NRIP1: variants seen among roughly 807,000 people sequenced by gnomAD.
NRIP1 encodes the protein nuclear receptor interacting protein 1.
Under a neutral mutation model 75.0 loss-of-function variants are expected in NRIP1, and 28 were observed. That is an observed-to-expected ratio of 0.37 (90% confidence interval 0.28 to 0.51). The LOEUF (loss-of-function observed/expected upper bound fraction) is 0.51. Ranked by LOEUF, NRIP1 falls within the 20% of genes least tolerant of loss-of-function variation. NRIP1 has a pLI of 0.92. For missense variants in NRIP1, 1,435 were observed against 1,343.7 expected (o/e 1.07, Z -1.06); for synonymous variants, 526 against 487.6 (o/e 1.08, Z -1.04).
intron 1 of NRIP1, among the ~76,000 whole-genome samples, chr21:15,058,500 A>T (rs1331298380): frequency 1.3e-5 from 2 of 150,942 alleles, no homozygotes; most frequent in Admixed American, 6.6e-5. Context: ...TCAGGAATTT[A>T]AAAAAAATCT....
chr21:15,049,304 T>G (rs1246875258), intron 1 of NRIP1, among the ~76,000 whole-genome samples: 1 of 152,118 alleles, frequency 6.6e-6, no homozygotes, highest in Admixed American at 6.5e-5. Flanking sequence ...AGAAGCATAG[T>G]TTACATGTCT....
intron 3 of NRIP1, among the ~76,000 whole-genome samples, chr21:14,997,770 T>C (rs1042677255): frequency 6.6e-6 from 1 of 150,628 alleles, no homozygotes; most frequent in Admixed American, 6.6e-5. Flanking sequence ...AATTTGTATA[T>C]ACTCCAGGTA....
At chr21:15,040,119 G>A (rs1275449893) in intron 2 of NRIP1, among the ~76,000 whole-genome samples, 1 of 152,056 alleles carries the variant, frequency 6.6e-6, no homozygotes, top group African/African-American at 2.4e-5. Context: ...TGTGGCTACT[G>A]TGCACTTGAA....
At chr21:15,011,464 C>A (rs559529222) in intron 3 of NRIP1, among the ~76,000 whole-genome samples, 23 of 152,298 alleles carry the variant, frequency 1.5e-4, no homozygotes, top group African/African-American at 5.1e-4. Flanking sequence ...GCTGGGATTG[C>A]AAGCGTGAGC....
chr21:14,989,043 C>T (rs1378276824), intron 3 of NRIP1, among the ~76,000 whole-genome samples: 5 of 152,214 alleles, frequency 3.3e-5, no homozygotes, highest in East Asian at 3.9e-4. Context: ...CTGAAGAGTT[C>T]GCTGCATGCC....
chr21:15,041,612 A>T (rs1159501087), intron 2 of NRIP1, among the ~76,000 whole-genome samples: 4 of 152,120 alleles, frequency 2.6e-5, no homozygotes, highest in African/African-American at 9.7e-5. Flanking sequence ...CTAAACTTTC[A>T]ATTTCTTTGC....
chr21:15,043,193 T>G (rs933594992), intron 2 of NRIP1, among the ~76,000 whole-genome samples: 1 of 152,242 alleles, frequency 6.6e-6, no homozygotes, highest in Admixed American at 6.5e-5. Context: ...TTTATGTATC[T>G]CATTTTCAAA....
At chr21:15,033,522 T>G (rs191298570) in intron 2 of NRIP1, among the ~76,000 whole-genome samples, 1 of 152,314 alleles carries the variant, frequency 6.6e-6, no homozygotes, top group African/African-American at 2.4e-5. Flanking sequence ...TGAAATGCAG[T>G]TTCTTAAAGA....
intron 3 of NRIP1, among the ~76,000 whole-genome samples, chr21:14,989,811 G>GC (rs2087518937): frequency 6.6e-6 from 1 of 152,008 alleles, no homozygotes; most frequent in Non-Finnish European, 1.5e-5. Flanking sequence ...GAGGAGGGGA[G>GC]CCTGAAATTT....
At chr21:15,001,115 G>T (rs1273303577) in intron 3 of NRIP1, among the ~76,000 whole-genome samples, 3 of 152,102 alleles carry the variant, frequency 2.0e-5, no homozygotes, top group Non-Finnish European at 4.4e-5. Flanking sequence ...CATTTAAATG[G>T]AAGTGAAATG....
rs139829183 is a variant in NRIP1 at position 15,039,777 on chromosome 21, G to A, written c.-458+3718C>T. 7.8e-3 allele frequency among the ~76,000 whole-genome samples: 1,187 copies of A among 152,060 alleles called. 9 individuals carry two copies. Among genetic ancestry groups the A allele is most frequent in the African/African-American group, 0.027 (1,110 of 41,500 alleles). ...AATTCTACCTAGTATAATAGAAGCT[G>A]GAATAAGATGGAAGATATGAATCTA... On this transcript the variant is annotated intron_variant, in intron 2 of 3. Coordinates refer to ENST00000318948, the MANE Select transcript of NRIP1 (RefSeq NM_003489.4).
intron 2 of NRIP1, among the ~76,000 whole-genome samples, chr21:15,031,383 G>A (rs2088686159): frequency 1.5e-5 from 2 of 134,688 alleles, no homozygotes; most frequent in South Asian, 2.6e-4. Context: ...ATACACTCTG[G>A]AAGGCGCTCG....
intron 1 of NRIP1, among the ~76,000 whole-genome samples, chr21:15,055,765 C>T (rs1173633388): frequency 1.3e-5 from 2 of 152,202 alleles, no homozygotes; most frequent in South Asian, 2.1e-4. Context: ...GTCTACCCAA[C>T]TGCTAGCTGA....
intron 2 of NRIP1, among the ~76,000 whole-genome samples, chr21:15,016,906 GAAGGA>G (rs1227187773): frequency 6.8e-6 from 1 of 147,268 alleles, no homozygotes; most frequent in East Asian, 2.0e-4. Context: ...AGGAAAGAAG[GAAGGA>G]AAGAAAGAGA....
At chr21:15,030,924 TGTACACTCTGGAAGGCACTCAGAGG>T in intron 2 of NRIP1, among the ~76,000 whole-genome samples, 1 of 132,942 alleles carries the variant, frequency 7.5e-6, no homozygotes, top group Admixed American at 7.5e-5. Context: ...TTTCTATGTG[TGTACACTCTGGAAGGCACTCAGAGG>T]ATCACCACAT....
intron 3 of NRIP1, chr21:14,971,502 T>A (rs1936650816): frequency 6.6e-6 from 1 of 152,206 alleles, no homozygotes; most frequent in Non-Finnish European, 1.5e-5. Flanking sequence ...AGATCTGTCT[T>A]AGGATTGGTG....
intron 3 of NRIP1, among the ~76,000 whole-genome samples, chr21:15,004,220 A>C (rs2087913774): frequency 6.6e-6 from 1 of 152,196 alleles, no homozygotes; most frequent in Non-Finnish European, 1.5e-5. Context: ...AAAATCCAAA[A>C]TATCAGTTTA....
At chr21:14,971,682 A>G (rs2146960901) in intron 3 of NRIP1, 2 of 152,172 alleles carry the variant, frequency 1.3e-5, no homozygotes, top group South Asian at 4.1e-4. Flanking sequence ...GCACAAAAAA[A>G]TTAAAAAATG....
At position 15,020,704 on chromosome 21, in the gene NRIP1, AT is replaced by A. The variant is rs1223462364; in HGVS notation, c.-457-6239del. Reference sequence around the variant, plus strand: ...AAAACCCTTTGAAGTCAGCAATAAGATAAACTAACCAAATTGTTTTTAATGG... The same window carrying A: ...AAAACCCTTTGAAGTCAGCAATAAGAAAACTAACCAAATTGTTTTTAATGG... On this transcript the variant is annotated intron_variant, in intron 2 of 3. Coordinates refer to ENST00000318948, the MANE Select transcript of NRIP1 (RefSeq NM_003489.4). Among the ~76,000 whole-genome samples the A allele has an allele frequency of 3.9e-5, 6 of 152,322 alleles. No homozygotes were observed. In the East Asian group the frequency reaches 1.2e-3, roughly 29 times the overall value.
Sources: allele counts gnomAD v4.1 joint callset (sites outside exome capture counted in the v4.1 genomes callset), GRCh38; gene constraint gnomAD v4.1.1; transcripts MANE v1.5; gene names NCBI Gene and HGNC (gene_info 2026-07-23, HGNC 2026-07-21).